Variants in SPIRE1 observed in about 807,000 individuals in gnomAD.
SPIRE1 encodes the protein protein spire homolog 1.
Under a neutral mutation model 94.1 loss-of-function variants are expected in SPIRE1, and 40 were observed. That is an observed-to-expected ratio of 0.43 (90% CI 0.33 to 0.55). SPIRE1 has a LOEUF of 0.55. Ranked by LOEUF, SPIRE1 falls within the 20% of genes least tolerant of loss-of-function variation. SPIRE1 has a pLI of 0.06. For missense variants in SPIRE1, 838 were observed against 975.2 expected, an observed-to-expected ratio of 0.86 and a Z score of 1.87; for synonymous variants, 376 against 371.7, an observed-to-expected ratio of 1.01 and a Z score of -0.13.
rs180788431 is a variant in SPIRE1, at chr18:12,484,278, T to C, written c.1231+1681A>G. 3.3e-5 allele frequency among the ~76,000 whole-genome samples: 5 copies of C among 152,352 alleles called. No homozygotes were observed. The East Asian group carries it at 9.6e-4, about 29-fold the overall frequency. On this transcript the variant is annotated intron_variant, in intron 9 of 16. Coordinates refer to ENST00000409402, the MANE Select transcript of SPIRE1 (RefSeq NM_001128626.2). The stretch of plus-strand genomic sequence containing the variant: ...TATCTGTAATGTATATTGCCAACTT[T>C]TGGGGATTAGTAGTGACATATATAT...
intron 8 of SPIRE1, among the ~76,000 whole-genome samples, chr18:12,487,975 C>T (rs191605247): frequency 6.6e-6 from 1 of 152,254 alleles, no homozygotes; most frequent in East Asian, 1.9e-4. Flanking sequence ...CAGGCTCAGC[C>T]TTCCTAGGAT....
Position 12,479,777 on chromosome 18 carries a change from G to A in SPIRE1, c.1326C>T (p.Thr442=). 6.2e-7 allele frequency: 1 copy of A among 1,614,136 alleles called. No individual in the cohort carries two copies. The highest frequency in any genetic ancestry group is 8.5e-7 in the Non-Finnish European group (1 of 1,180,006). Residue 442 remains threonine, a synonymous_variant, in exon 10 of 17, where the codon ACC becomes ACT. Transcript: ENST00000409402. ...TSQTKENGLS[T]SQQVPAQRKK... is the part of the protein sequence containing the mutation. ...TCCGCTGTGCAGGCACCTGCTGTGA[G>A]GTACTTAACCCGTTTTCTTTTGTTT...
chr18:12,570,417 C>T (rs2035934296), intron 2 of SPIRE1, among the ~76,000 whole-genome samples: 1 of 152,170 alleles, frequency 6.6e-6, no homozygotes, highest in African/African-American at 2.4e-5. Context: ...ACAGTAGCTG[C>T]TATTGCCTTT....
Position 12,559,578 on chromosome 18 carries a change from G to A in SPIRE1, c.373-12674C>T, listed in dbSNP as rs2053066148. On this transcript the variant is annotated intron_variant, in intron 2 of 16. Coordinates refer to ENST00000409402, the MANE Select transcript of SPIRE1 (RefSeq NM_001128626.2). This position sits in a 1 kb window ranked among gnomAD's most constrained non-coding sequence, Gnocchi z 4.7. ...GAAGGGCTCCTCAAGCATGGCCAGA[G>A]TGGACGCCGTGGCCTGAGGAGGTGC... Among the ~76,000 whole-genome samples the A allele has an allele frequency of 2.0e-5, 3 of 152,220 alleles. No individual in the cohort carries two copies. In the South Asian group the frequency reaches 6.2e-4, roughly 31 times the overall value.
At position 12,486,011 on chromosome 18, in the gene SPIRE1, G is replaced by A. The variant is rs2033025730; in HGVS notation, c.1190-11C>T. On this transcript the variant is annotated splice_polypyrimidine_tract_variant and intron_variant, in intron 8 of 16. Transcript: ENST00000409402. ...TAAGTGGCCGCATTGCTGAAAAAAA[G>A]AAAACAAACAATAAAAAGAAAATAA... 2.6e-6 allele frequency: 4 copies of A among 1,514,820 alleles called. No individual in the cohort carries two copies. Among genetic ancestry groups the A allele is most frequent in the East Asian group, 2.5e-5 (1 of 40,118 alleles). 93.8% of individuals were successfully genotyped at this position (1,514,820 alleles called of 1,614,324 possible).
At chr18:12,634,705 C>T (rs112342599) in intron 2 of SPIRE1, among the ~76,000 whole-genome samples, 21,449 of 151,946 alleles carry the variant, frequency 0.14, 1,786 homozygotes, top group African/African-American at 0.21. Flanking sequence ...AAGGCCAAGG[C>T]GGGTGGATCA....
intron 2 of SPIRE1, among the ~76,000 whole-genome samples, chr18:12,551,145 T>C (rs1031443580): frequency 3.3e-5 from 5 of 152,224 alleles, no homozygotes; most frequent in African/African-American, 4.8e-5. Flanking sequence ...CAAACCATAA[T>C]GTTTGTTTAT....
chr18:12,642,244 C>T (rs545023805), intron 1 of SPIRE1, among the ~76,000 whole-genome samples: 3 of 152,208 alleles, frequency 2.0e-5, no homozygotes, highest in South Asian at 2.1e-4. Context: ...ATTATCTGAC[C>T]CCCACCCACA....
At chr18:12,455,336 C>A (rs921512725) in intron 12 of SPIRE1, among the ~76,000 whole-genome samples, 2 of 152,208 alleles carry the variant, frequency 1.3e-5, no homozygotes, top group Non-Finnish European at 2.9e-5. Flanking sequence ...TCAGTTACAT[C>A]AGCACACCTT....
intron 2 of SPIRE1, among the ~76,000 whole-genome samples, chr18:12,574,175 G>C (rs2036032521): frequency 6.6e-6 from 1 of 152,202 alleles, no homozygotes; most frequent in South Asian, 2.1e-4. Context: ...GATTATGTGA[G>C]AATTCTCTAT....
chr18:12,533,561 G>A (rs941147022), intron 4 of SPIRE1, among the ~76,000 whole-genome samples: 5 of 152,168 alleles, frequency 3.3e-5, no homozygotes, highest in African/African-American at 1.2e-4. Flanking sequence ...CACTGCAGTA[G>A]AGTAGTAAAA....
intron 10 of SPIRE1, among the ~76,000 whole-genome samples, chr18:12,474,124 T>C (rs2032465821): frequency 6.6e-6 from 1 of 152,268 alleles, no homozygotes; most frequent in Admixed American, 6.5e-5. Context: ...GAAATTTACA[T>C]ACACGTGACA....
intron 4 of SPIRE1, among the ~76,000 whole-genome samples, chr18:12,525,278 A>G (rs1015413906): frequency 9.3e-6 from 1 of 107,238 alleles, no homozygotes; most frequent in Non-Finnish European, 1.9e-5. Flanking sequence ...CTCCGTCTCA[A>G]AAAAAAAAAA....
chr18:12,478,411 G>A (rs1055602263), intron 10 of SPIRE1, among the ~76,000 whole-genome samples: 4 of 150,462 alleles, frequency 2.7e-5, no homozygotes, highest in African/African-American at 9.8e-5. Flanking sequence ...TGTAGCTAGG[G>A]TGTGTGTGTG....
At chr18:12,470,718 T>A (rs1220835149) in intron 10 of SPIRE1, among the ~76,000 whole-genome samples, 1 of 152,108 alleles carries the variant, frequency 6.6e-6, no homozygotes, top group African/African-American at 2.4e-5. Context: ...CCTAATCACT[T>A]TTTGCTTATC....
chr18:12,648,902 A>G (rs1366778409), intron 1 of SPIRE1, among the ~76,000 whole-genome samples: 4 of 151,376 alleles, frequency 2.6e-5, no homozygotes, highest in Non-Finnish European at 4.4e-5. Context: ...AAAAAAAAAA[A>G]AAAAAAAAAG....
At chr18:12,646,203 T>A (rs892700336) in intron 1 of SPIRE1, among the ~76,000 whole-genome samples, 1 of 152,068 alleles carries the variant, frequency 6.6e-6, no homozygotes, top group Non-Finnish European at 1.5e-5. Flanking sequence ...CTGCCTCACA[T>A]AGTCTTCCTT....
At chr18:12,545,200 A>G (rs1357788240) in intron 3 of SPIRE1, among the ~76,000 whole-genome samples, 1 of 152,236 alleles carries the variant, frequency 6.6e-6, no homozygotes, top group Non-Finnish European at 1.5e-5. Flanking sequence ...TAGAAAACAT[A>G]ACATAAATAA....
intron 3 of SPIRE1, among the ~76,000 whole-genome samples, chr18:12,536,212 T>C (rs2034836943): frequency 6.6e-6 from 1 of 152,224 alleles, no homozygotes; most frequent in Non-Finnish European, 1.5e-5. Flanking sequence ...GAACCACCGT[T>C]TATTGTATAC....
Sources: gnomAD v4.1 joint callset for allele counts (sites outside exome capture counted in the v4.1 genomes callset) on GRCh38, gnomAD v4.1.1 for gene constraint, Gnocchi (gnomAD v3.1) non-coding constraint, MANE v1.5 for transcripts, NCBI Gene and HGNC (gene_info 2026-07-23, HGNC 2026-07-21) for gene names.